NLGN1: variants seen among roughly 807,000 people sequenced by gnomAD.
NLGN1 encodes the protein neuroligin 1.
NLGN1 carries 12 observed loss-of-function variants against 65.5 expected under a neutral mutation model. That is an observed-to-expected ratio of 0.18 (90% confidence interval 0.12 to 0.30). The LOEUF (loss-of-function observed/expected upper bound fraction) is 0.30. Ranked by LOEUF, NLGN1 falls within the 10% of genes least tolerant of loss-of-function variation. The probability of loss-of-function intolerance (pLI) is 1.00; values close to 1 mark genes in which losing one functional copy is unlikely to be tolerated. For missense variants in NLGN1, 750 were observed against 1,007.1 expected (o/e 0.74, Z 3.46); for synonymous variants, 350 against 359.5 (o/e 0.97, Z 0.30).
At chr3:174,133,720 C>A (rs1232418285) in intron 4 of NLGN1, among the ~76,000 whole-genome samples, 2 of 152,072 alleles carry the variant, frequency 1.3e-5, no homozygotes, top group East Asian at 3.9e-4. Context: ...TCGCACACTT[C>A]CCAAAGACAA....
At chr3:173,683,189 A>G (rs193260782) in intron 3 of NLGN1, among the ~76,000 whole-genome samples, 290 of 152,314 alleles carry the variant, frequency 1.9e-3, no homozygotes, top group African/African-American at 6.8e-3. Flanking sequence ...TATAAAATAC[A>G]GAGATCTAAT....
At chr3:173,972,656 T>C (rs1369771818) in intron 4 of NLGN1, among the ~76,000 whole-genome samples, 2 of 152,092 alleles carry the variant, frequency 1.3e-5, no homozygotes, top group African/African-American at 4.8e-5. Context: ...GAAATTTGAC[T>C]TGATGAGCCT....
intron 4 of NLGN1, among the ~76,000 whole-genome samples, chr3:173,825,330 G>A (rs1354468093): frequency 2.0e-5 from 3 of 151,874 alleles, no homozygotes; most frequent in Non-Finnish European, 4.4e-5. Context: ...AAGTGGCATG[G>A]CAATAATGAC....
chr3:173,893,384 G>A (rs1184263115), intron 4 of NLGN1, among the ~76,000 whole-genome samples: 1 of 152,136 alleles, frequency 6.6e-6, no homozygotes, highest in Non-Finnish European at 1.5e-5. Flanking sequence ...ACCTTTTGAA[G>A]TCTCAGTTTT....
chr3:173,686,093 C>T (rs1272561626), intron 3 of NLGN1, among the ~76,000 whole-genome samples: 1 of 151,980 alleles, frequency 6.6e-6, no homozygotes. Flanking sequence ...TGAGTTAAAA[C>T]CCAAGGCAAG....
At chr3:173,783,397 A>T (rs1180170842) in intron 3 of NLGN1, among the ~76,000 whole-genome samples, 1 of 152,020 alleles carries the variant, frequency 6.6e-6, no homozygotes, top group Middle Eastern at 3.4e-3. Context: ...TGAGACTTTC[A>T]CTCTCCCTGG....
intron 2 of NLGN1, among the ~76,000 whole-genome samples, chr3:173,588,019 G>A (rs1346989999): frequency 6.6e-6 from 1 of 152,076 alleles, no homozygotes; most frequent in African/African-American, 2.4e-5. Flanking sequence ...ATGACTTGTT[G>A]AAATTTAACA....
intron 4 of NLGN1, among the ~76,000 whole-genome samples, chr3:174,239,704 T>G (rs1577524638): frequency 6.6e-6 from 1 of 152,276 alleles, no homozygotes; most frequent in African/African-American, 2.4e-5. Flanking sequence ...TGCTAAAAAC[T>G]GAGTCAGCCA....
intron 4 of NLGN1, among the ~76,000 whole-genome samples, chr3:174,106,998 AC>A (rs1713993896): frequency 1.8e-5 from 2 of 111,766 alleles, no homozygotes; most frequent in Admixed American, 1.8e-4. Flanking sequence ...ACACACACAC[AC>A]ACACACACAC....
intron 3 of NLGN1, among the ~76,000 whole-genome samples, chr3:173,692,651 A>G (rs894224270): frequency 4.6e-5 from 7 of 152,062 alleles, no homozygotes; most frequent in Non-Finnish European, 7.4e-5. Context: ...GATAGCTACA[A>G]TTTGGAAGTA....
At chr3:173,411,259 G>A (rs1712485704) in intron 1 of NLGN1, among the ~76,000 whole-genome samples, 1 of 152,126 alleles carries the variant, frequency 6.6e-6, no homozygotes, top group African/African-American at 2.4e-5. Flanking sequence ...ATTCCCTTAC[G>A]GAGTCTAAAT....
At chr3:173,741,142 A>G (rs931814409) in intron 3 of NLGN1, among the ~76,000 whole-genome samples, 2 of 152,146 alleles carry the variant, frequency 1.3e-5, no homozygotes, top group East Asian at 1.9e-4. Flanking sequence ...GTACATAAGT[A>G]TTACATCTTA....
At chr3:173,868,394 C>T (rs189463326) in intron 4 of NLGN1, among the ~76,000 whole-genome samples, 2 of 151,994 alleles carry the variant, frequency 1.3e-5, no homozygotes, top group East Asian at 3.9e-4. Flanking sequence ...GTTTAGCCAC[C>T]CAGATAGTCT....
chr3:173,643,790 T>G (rs1003623526), intron 3 of NLGN1, among the ~76,000 whole-genome samples: 31 of 152,258 alleles, frequency 2.0e-4, no homozygotes, highest in African/African-American at 7.0e-4. Flanking sequence ...CCCAGGCTGG[T>G]TTTGAACTCC....
intron 2 of NLGN1, among the ~76,000 whole-genome samples, chr3:173,444,433 T>C (rs1719791873): frequency 6.6e-6 from 1 of 152,182 alleles, no homozygotes; most frequent in Admixed American, 6.5e-5. Context: ...CTGGTATACA[T>C]TTATTTCACC....
Position 173,491,735 on chromosome 3 carries a change from A to G in NLGN1, c.-321+56657A>G, listed in dbSNP as rs930284780. Among the ~76,000 whole-genome samples the G allele has an allele frequency of 2.6e-5, 4 of 151,738 alleles. No individual in the cohort carries two copies. The South Asian group carries it at 6.2e-4, about 24-fold the overall frequency. The stretch of plus-strand genomic sequence containing the variant: ...TTATGACTTCCATATCTATATCTCT[A>G]GGATGGTTCTTATTTTCCTTGATAC... On this transcript the variant is annotated intron_variant, in intron 2 of 6. Coordinates refer to ENST00000457714, the Ensembl canonical transcript of NLGN1.
chr3:174,273,782 G>C (rs1749953337), intron 4 of NLGN1, among the ~76,000 whole-genome samples: 1 of 151,580 alleles, frequency 6.6e-6, no homozygotes, highest in South Asian at 2.1e-4. Flanking sequence ...TTTTGATCTT[G>C]TAGGAAAAGA....
intron 3 of NLGN1, among the ~76,000 whole-genome samples, chr3:173,786,938 G>A (rs1168553590): frequency 6.6e-6 from 1 of 152,056 alleles, no homozygotes; most frequent in African/African-American, 2.4e-5. Context: ...GTAGCAGGGT[G>A]TGGTGGCAGG....
At chr3:174,261,989 C>T (rs1577662020) in intron 4 of NLGN1, among the ~76,000 whole-genome samples, 6 of 145,440 alleles carry the variant, frequency 4.1e-5, no homozygotes, top group Non-Finnish European at 4.5e-5. Context: ...ATTACATTTA[C>T]TGATTTGCGT....
Sources: gnomAD v4.1 joint callset for allele counts (sites outside exome capture counted in the v4.1 genomes callset) on GRCh38, gnomAD v4.1.1 for gene constraint, MANE v1.5 for transcripts, NCBI Gene and HGNC (gene_info 2026-07-23, HGNC 2026-07-21) for gene names.